The following ZFAT variants were observed in gnomAD, a reference collection of about 807,000 sequenced individuals.
The protein encoded by ZFAT is zinc finger protein ZFAT.
In ZFAT, 64 loss-of-function variants were observed where a neutral mutation model predicts 117.7. The observed-to-expected ratio is 0.54, with a 90% CI of 0.44 to 0.67. The LOEUF is 0.67. ZFAT is among the 30% of genes least tolerant of loss of function. The probability of loss-of-function intolerance (pLI) is 0.00; values close to 1 mark genes in which losing one functional copy is unlikely to be tolerated. For missense variants in ZFAT, 1,433 were observed against 1,584.5 expected (o/e 0.90, Z 1.62); for synonymous variants, 679 against 615.0 (o/e 1.10, Z -1.54).
chr8:134,606,608 C>T (rs1586804483), intron 5 of ZFAT, among the ~76,000 whole-genome samples: 1 of 151,694 alleles, frequency 6.6e-6, no homozygotes, highest in African/African-American at 2.4e-5. Flanking sequence ...CCCAGCTACT[C>T]AGGAGGCTGA....
chr8:134,658,229 C>T (rs1449858191), intron 1 of ZFAT, among the ~76,000 whole-genome samples: 5 of 150,640 alleles, frequency 3.3e-5, no homozygotes, highest in African/African-American at 7.3e-5. Flanking sequence ...CCCAGCTACT[C>T]GGGAGGCTGA....
At chr8:134,518,724 T>C (rs1820421128) in intron 13 of ZFAT, among the ~76,000 whole-genome samples, 1 of 152,188 alleles carries the variant, frequency 6.6e-6, no homozygotes, top group East Asian at 1.9e-4. Flanking sequence ...GCTCTCAGTT[T>C]ATAGATGAAT....
At chr8:134,523,022 C>T (rs1563805771) in intron 12 of ZFAT, among the ~76,000 whole-genome samples, 1 of 152,270 alleles carries the variant, frequency 6.6e-6, no homozygotes, top group East Asian at 1.9e-4. Context: ...CCTTCCAAGA[C>T]CCCTTTCTCC....
upstream of ZFAT, among the ~76,000 whole-genome samples, chr8:134,713,314 G>T (rs1006632933): frequency 6.6e-6 from 1 of 152,258 alleles, no homozygotes; most frequent in Non-Finnish European, 1.5e-5. Context: ...CCCGCGGCAT[G>T]TGGGGCCGCC....
At chr8:134,611,821 G>A (rs182577344) in intron 3 of ZFAT, among the ~76,000 whole-genome samples, 1 of 152,366 alleles carries the variant, frequency 6.6e-6, no homozygotes, top group East Asian at 1.9e-4. Flanking sequence ...GGAAGGGCTG[G>A]ATTATATTTG....
chr8:134,577,216 T>C (rs757487297), intron 10 of ZFAT, among the ~76,000 whole-genome samples: 1 of 152,222 alleles, frequency 6.6e-6, no homozygotes, highest in Non-Finnish European at 1.5e-5. Context: ...TCTTTGTACA[T>C]ATTGACTGGC....
chr8:134,702,906 C>T (rs1018487737), intron 1 of ZFAT, among the ~76,000 whole-genome samples: 1 of 152,150 alleles, frequency 6.6e-6, no homozygotes, highest in Non-Finnish European at 1.5e-5. Context: ...CTCCTGACCT[C>T]GTGATCTGCC....
chr8:134,790,801 G>A, the ZFAT span, among the ~76,000 whole-genome samples: 9 of 152,072 alleles, frequency 5.9e-5, no homozygotes, highest in African/African-American at 1.9e-4. Flanking sequence ...GATCACTTGA[G>A]CCCAGGAGTT....
At chr8:134,622,787 T>C (rs1276066284) in intron 3 of ZFAT, among the ~76,000 whole-genome samples, 3 of 152,086 alleles carry the variant, frequency 2.0e-5, no homozygotes, top group Admixed American at 1.3e-4. Context: ...GCAGTATTTA[T>C]TCTCCAGGCT....
upstream of ZFAT, among the ~76,000 whole-genome samples, chr8:134,716,447 T>TC (rs1168979413): frequency 6.6e-6 from 1 of 152,156 alleles, no homozygotes; most frequent in Non-Finnish European, 1.5e-5. Context: ...TGCCATCACA[T>TC]CCCCGGTCTG....
chr8:134,690,460 G>C (rs1833535947), intron 1 of ZFAT, among the ~76,000 whole-genome samples: 1 of 152,238 alleles, frequency 6.6e-6, no homozygotes, highest in Admixed American at 6.5e-5. Flanking sequence ...ACTGGAGGCA[G>C]ATGTGGAAAA....
chr8:134,484,726 A>G (rs1010385327), intron 15 of ZFAT, among the ~76,000 whole-genome samples: 1 of 152,244 alleles, frequency 6.6e-6, no homozygotes, highest in African/African-American at 2.4e-5. Flanking sequence ...AATGTCTAGC[A>G]TGGCACCTGG....
At position 134,532,853 on chromosome 8, in the gene ZFAT, C is replaced by T. The variant is rs199671548; in HGVS notation, c.3096G>A (p.Ala1032=). ...GCCTACCTTGCTGGATGAGCACCTC[C>T]GCTGCCAGCTCCCCGGTGCCCACGT... ...YANVGTGELA[A]EVLIQQGGLK... is the part of the protein sequence containing the mutation. The change falls in exon 12 of 16, where the codon GCG becomes GCA. Residue 1032 remains alanine (A), a synonymous_variant. Transcript: ENST00000377838. 7.5e-5 allele frequency: 120 copies of T among 1,609,972 alleles called. No individual in the cohort carries two copies. Among genetic ancestry groups the T allele is most frequent in the Non-Finnish European group, 9.4e-5 (111 of 1,178,364 alleles).
At chr8:134,510,157 G>C (rs892224604) in intron 14 of ZFAT, 1 of 457,166 alleles carries the variant, frequency 2.2e-6, no homozygotes. Flanking sequence ...CTCAATGAAA[G>C]TGTGTGCCAA....
At chr8:134,576,111 T>A (rs1825278298) in intron 10 of ZFAT, among the ~76,000 whole-genome samples, 1 of 152,228 alleles carries the variant, frequency 6.6e-6, no homozygotes. Context: ...TTACAGACAC[T>A]GTGCCAGACA....
At chr8:134,692,591 G>A (rs957033057) in intron 1 of ZFAT, among the ~76,000 whole-genome samples, 4 of 152,160 alleles carry the variant, frequency 2.6e-5, no homozygotes, top group African/African-American at 7.2e-5. Flanking sequence ...CTAGTCAAAG[G>A]ATGAAAGTAA....
the ZFAT span, among the ~76,000 whole-genome samples, chr8:134,826,225 T>C: frequency 6.6e-4 from 100 of 152,316 alleles, no homozygotes; most frequent in East Asian, 2.7e-3. Context: ...CTCTGCACAT[T>C]ATAGTAAAAA....
the ZFAT span, among the ~76,000 whole-genome samples, chr8:134,736,853 T>C: frequency 6.6e-6 from 1 of 152,182 alleles, no homozygotes; most frequent in Non-Finnish European, 1.5e-5. Context: ...CCCAAAGTGC[T>C]GGGATTACAG....
intron 4 of ZFAT, 93 bp downstream of exon 4, chr8:134,610,377 C>T: frequency 7.4e-7 from 1 of 1,358,050 alleles, no homozygotes; most frequent in African/African-American, 1.5e-5. Context: ...AATGCACCAG[C>T]TCTGTGTTCT....
Sources: allele counts gnomAD v4.1 joint callset (sites outside exome capture counted in the v4.1 genomes callset), GRCh38; gene constraint gnomAD v4.1.1; transcripts MANE v1.5; gene names NCBI Gene and HGNC (gene_info 2026-07-23, HGNC 2026-07-21).